The following ZNF569 variants were observed in gnomAD, a reference collection of about 807,000 sequenced individuals.
ZNF569 encodes the protein zinc finger protein 569.
In ZNF569, 38 loss-of-function variants were observed where a neutral mutation model predicts 56.3. That is an observed-to-expected ratio of 0.68 (90% CI 0.52 to 0.88). ZNF569 has a LOEUF of 0.88. ZNF569 is among the 40% of genes least tolerant of loss of function. The pLI is 0.00. For missense variants in ZNF569, 666 were observed against 809.2 expected (o/e 0.82, Z 2.15); for synonymous variants, 241 against 262.9 (o/e 0.92, Z 0.81).
chr19:37,437,062 C>A (rs1198325393), intron 3 of ZNF569, among the ~76,000 whole-genome samples: 1 of 146,006 alleles, frequency 6.8e-6, no homozygotes, highest in Non-Finnish European at 1.5e-5. Context: ...CCTTGCTGAA[C>A]ATTGATGCAA....
chr19:37,449,683 T>TA (rs59752049), intron 2 of ZNF569, among the ~76,000 whole-genome samples: 1 of 152,084 alleles, frequency 6.6e-6, no homozygotes, highest in African/African-American at 2.4e-5. Context: ...TGGCTTTTTT[T>TA]AATATCATTT....
At chr19:37,417,677 A>G (rs2146863354) in intron 5 of ZNF569, among the ~76,000 whole-genome samples, 1 of 152,370 alleles carries the variant, frequency 6.6e-6, no homozygotes, top group Admixed American at 6.5e-5. Flanking sequence ...TTCGTAAGTT[A>G]ATATATCAGT....
chr19:37,468,545 G>C (rs1286647785), upstream of ZNF569, among the ~76,000 whole-genome samples: 2 of 152,186 alleles, frequency 1.3e-5, no homozygotes, highest in African/African-American at 4.8e-5. Context: ...GCTCAGGCTG[G>C]AGTGCAGTGG....
At chr19:37,419,285 T>C (rs980478575) in intron 5 of ZNF569, among the ~76,000 whole-genome samples, 1 of 152,168 alleles carries the variant, frequency 6.6e-6, no homozygotes, top group Middle Eastern at 3.2e-3. Flanking sequence ...TTACAACGAA[T>C]ATACAAAAAG....
At chr19:37,426,178 A>T in intron 4 of ZNF569, 74 bp downstream of exon 4, 1 of 1,507,094 alleles carries the variant, frequency 6.6e-7, no homozygotes, top group Non-Finnish European at 9.0e-7. Context: ...AGGTCCATGT[A>T]TTTCAGAAAC....
At chr19:37,469,152 T>C, upstream of ZNF569, 1 of 1,132,324 alleles carries the variant, frequency 8.8e-7, no homozygotes, top group East Asian at 5.8e-5. Flanking sequence ...ACTTTCGGGC[T>C]CTCTGGAAGG....
chr19:37,468,145 G>A (rs1600368743), upstream of ZNF569: 1 of 584,674 alleles, frequency 1.7e-6, no homozygotes. Flanking sequence ...AGAGTGCAGC[G>A]GCGCGATGTT....
chr19:37,432,174 A>C (rs1297169797), intron 3 of ZNF569, among the ~76,000 whole-genome samples: 1 of 152,180 alleles, frequency 6.6e-6, no homozygotes, highest in Non-Finnish European at 1.5e-5. Context: ...TAGGGCCTTC[A>C]GTGAACACAG....
intron 2 of ZNF569, among the ~76,000 whole-genome samples, chr19:37,450,077 G>C (rs1258259638): frequency 6.6e-6 from 1 of 152,004 alleles, no homozygotes; most frequent in Admixed American, 6.6e-5. Context: ...ATTTTGTTGG[G>C]GATTTTTGCA....
intron 2 of ZNF569, among the ~76,000 whole-genome samples, chr19:37,462,857 A>C (rs969365200): frequency 6.6e-6 from 1 of 152,160 alleles, no homozygotes; most frequent in Non-Finnish European, 1.5e-5. Flanking sequence ...ATATGTCTCC[A>C]TCCTAGATCT....
At chr19:37,415,474 C>T (rs776366570) in intron 5 of ZNF569, among the ~76,000 whole-genome samples, 1 of 151,988 alleles carries the variant, frequency 6.6e-6, no homozygotes, top group African/African-American at 2.4e-5. Context: ...TGGAAAACAT[C>T]CAGAAGCATT....
Position 37,412,689 on chromosome 19 carries a change from T to C in ZNF569, c.1969A>G (p.Thr657Ala), listed in dbSNP as rs2040857460. 6.2e-6 allele frequency: 10 copies of C among 1,614,144 alleles called. No individual in the cohort carries two copies. The highest frequency in any genetic ancestry group is 8.5e-6 in the Non-Finnish European group (10 of 1,179,982). ...ATACAGTGATAGGGCTTCTCACCTG[T>C]ATGTTTTCTCATATGAAGGGTAAGA... ...SSLTLHMRKH[T>A]GEKPYHCIEC... The change falls in exon 6 of 6, where the codon ACA becomes GCA. Residue 657 changes from threonine to alanine, a missense_variant. Transcript: ENST00000316950.
chr19:37,423,366 G>C (rs1311840291), intron 5 of ZNF569, among the ~76,000 whole-genome samples: 1 of 152,146 alleles, frequency 6.6e-6, no homozygotes, highest in Non-Finnish European at 1.5e-5. Flanking sequence ...AAATGCTCTA[G>C]AGCATGAAGG....
Position 37,412,980 on chromosome 19 carries a change from A to G in ZNF569, c.1678T>C (p.Ser560Pro). 1 of 1,613,384 alleles carries G rather than the reference A, an allele frequency of 6.2e-7. No individual in the cohort carries two copies. The highest frequency in any genetic ancestry group is 1.3e-5 in the African/African-American group (1 of 74,892). ...YECDKCGKAF[S>P]QCSLLNLHMR... ...TGTAAATTAAGCAGTGAGCACTGAGAGAAGGCTTTACCACATTTATCACAT... is the reference window on the plus strand; with the variant it reads ...TGTAAATTAAGCAGTGAGCACTGAGGGAAGGCTTTACCACATTTATCACAT... Residue 560 changes from serine to proline, a missense_variant, in exon 6 of 6, where the codon TCT becomes CCT. Ser to Pro is a moderately conservative substitution (Grantham distance 74). Transcript: ENST00000316950.
At chr19:37,467,545 A>G, upstream of ZNF569, 1 of 323,138 alleles carries the variant, frequency 3.1e-6, no homozygotes, top group South Asian at 8.3e-5. Flanking sequence ...GCAGGTTCGC[A>G]AGGTCCGTGA....
chr19:37,457,171 A>G (rs903976888), intron 2 of ZNF569, among the ~76,000 whole-genome samples: 9 of 152,176 alleles, frequency 5.9e-5, no homozygotes, highest in Admixed American at 5.2e-4. Context: ...GAAGCCTCCT[A>G]CATAAACACA....
intron 2 of ZNF569, among the ~76,000 whole-genome samples, chr19:37,449,129 G>T (rs2146950990): frequency 6.6e-6 from 1 of 152,230 alleles, no homozygotes; most frequent in East Asian, 1.9e-4. Flanking sequence ...AGATTTTCCA[G>T]ATACCTTTCT....
chr19:37,421,969 T>G (rs1293332340), intron 5 of ZNF569, among the ~76,000 whole-genome samples: 1 of 151,984 alleles, frequency 6.6e-6, no homozygotes, highest in Non-Finnish European at 1.5e-5. Flanking sequence ...AGTCTGGTCT[T>G]GAACTCCTGG....
chr19:37,456,332 AT>A (rs1486300562), intron 2 of ZNF569, among the ~76,000 whole-genome samples: 1 of 152,038 alleles, frequency 6.6e-6, no homozygotes, highest in Non-Finnish European at 1.5e-5. Flanking sequence ...CTTCTAGGAA[AT>A]TTTCTTGCAC....
Sources: allele counts gnomAD v4.1 joint callset (sites outside exome capture counted in the v4.1 genomes callset), GRCh38; gene constraint gnomAD v4.1.1; transcripts MANE v1.5; gene names NCBI Gene and HGNC (gene_info 2026-07-23, HGNC 2026-07-21).